CLGN: variants seen among roughly 807,000 people sequenced by gnomAD.
CLGN encodes testis tissue sperm-binding protein Li 79P.
A neutral mutation model predicts 79.1 loss-of-function variants in CLGN; 62 were observed. The observed-to-expected ratio is 0.78, with a 90% CI of 0.64 to 0.97. The LOEUF (loss-of-function observed/expected upper bound fraction) is 0.97, where lower values mean the gene tolerates loss of function less well. Among genes scored for constraint, CLGN ranks in the 50% least tolerant of loss-of-function variants. CLGN has a pLI of 0.00. For synonymous variants in CLGN, 225 were observed against 224.7 expected (o/e 1.00, Z -0.01); for missense variants, 647 against 715.5 (o/e 0.90, Z 1.09).
Position 140,413,088 on chromosome 4 carries a change from CTG to C in CLGN, c.-9-3_-9-2del. The C allele has an allele frequency of 1.2e-6, 2 of 1,603,160 alleles. No homozygotes were observed. The highest frequency in any genetic ancestry group is 1.7e-6 in the Non-Finnish European group (2 of 1,176,298). ...AGGCTTGGAAATGCATATTGATTAT[CTG>C]TGAAATTAAAAGTAATTAGTGAAAA... On this transcript the variant is annotated splice_acceptor_variant and splice_polypyrimidine_tract_variant and intron_variant, in intron 1 of 14. Transcript: ENST00000325617. LOFTEE classifies it low-confidence loss of function (5UTR_SPLICE).
At chr4:140,402,562 C>T (rs115372055) in intron 5 of CLGN, among the ~76,000 whole-genome samples, 40 of 152,196 alleles carry the variant, frequency 2.6e-4, no homozygotes, top group African/African-American at 9.6e-4. Context: ...TAAATAGCTC[C>T]AGCAAAGAGA....
chr4:140,392,524 T>C, intron 12 of CLGN, 62 bp downstream of exon 12: 1 of 1,528,742 alleles, frequency 6.5e-7, no homozygotes, highest in Non-Finnish European at 8.8e-7. Context: ...GCTTAATTTA[T>C]AGAACTCTTA....
intron 1 of CLGN, among the ~76,000 whole-genome samples, chr4:140,413,534 C>T (rs967003922): frequency 1.3e-5 from 2 of 152,214 alleles, no homozygotes; most frequent in Non-Finnish European, 2.9e-5. Context: ...CGAGGCATTG[C>T]CTCACTCGGG....
At chr4:140,394,073 A>G (rs1269536154) in intron 10 of CLGN, 32 bp from the exon 11 acceptor site, 12 of 1,465,930 alleles carry the variant, frequency 8.2e-6, no homozygotes, top group Non-Finnish European at 8.5e-6. Context: ...ACATTTTCAA[A>G]TAAAATAACT....
intron 12 of CLGN, 23 bp from the exon 13 acceptor site, chr4:140,392,401 T>C (rs1384932952): frequency 6.4e-7 from 1 of 1,573,092 alleles, no homozygotes; most frequent in Non-Finnish European, 8.6e-7. Flanking sequence ...ACATAAGTTA[T>C]TTTTACTAAA....
chr4:140,403,162 A>T (rs1490195440), intron 5 of CLGN, among the ~76,000 whole-genome samples: 1 of 152,202 alleles, frequency 6.6e-6, no homozygotes, highest in Non-Finnish European at 1.5e-5. Context: ...AGTGGCCACA[A>T]GCATGTACTT....
chr4:140,425,852 C>A (rs913123904), intron 1 of CLGN, among the ~76,000 whole-genome samples: 10 of 152,008 alleles, frequency 6.6e-5, no homozygotes, highest in Admixed American at 2.0e-4. Context: ...TGGTCTCCAA[C>A]TCCTAACCTC....
At chr4:140,407,625 G>T (rs1394686058) in intron 4 of CLGN, among the ~76,000 whole-genome samples, 3 of 146,066 alleles carry the variant, frequency 2.1e-5, no homozygotes, top group Non-Finnish European at 4.5e-5. Context: ...ATTCTTAACA[G>T]AGGTGAAAGA....
rs193241365 is a variant in CLGN, at chr4:140,426,962, C to T, written c.-10+575G>A. On this transcript the variant is annotated intron_variant, in intron 1 of 14. Transcript: ENST00000325617. The stretch of plus-strand genomic sequence containing the variant: ...AGCGGCCAACAGTCCCTGGCCCCAC[C>T]GCCGTGAAGTGGGGTCCCTTCGCTT... Among the ~76,000 whole-genome samples the T allele has an allele frequency of 3.7e-3, 570 of 152,356 alleles. 3 individuals are homozygous for T. Among genetic ancestry groups the T allele is most frequent in the South Asian group, 0.012 (60 of 4,832 alleles).
intron 1 of CLGN, among the ~76,000 whole-genome samples, chr4:140,416,674 G>A (rs1413626389): frequency 1.3e-5 from 2 of 151,428 alleles, no homozygotes; most frequent in Non-Finnish European, 2.9e-5. Flanking sequence ...TCTGAATAGA[G>A]CAATAACAGG....
chr4:140,417,867 G>A (rs1367458049), intron 1 of CLGN, among the ~76,000 whole-genome samples: 14 of 150,912 alleles, frequency 9.3e-5, no homozygotes, highest in Non-Finnish European at 1.8e-4. Flanking sequence ...AGTTCATATG[G>A]AACCAAAAAA....
intron 1 of CLGN, among the ~76,000 whole-genome samples, chr4:140,421,747 G>T (rs1410802763): frequency 2.0e-5 from 3 of 151,948 alleles, no homozygotes; most frequent in Non-Finnish European, 4.4e-5. Flanking sequence ...CCATTGCATA[G>T]GTTTTTCATT....
In CLGN at chr4:140,410,149, C is replaced by G. The variant is rs567035736; in HGVS notation, c.219-254G>C. Among the ~76,000 whole-genome samples, 8 of 152,100 alleles carry G rather than the reference C, an allele frequency of 5.3e-5. No individual in the cohort carries two copies. The East Asian group carries it at 1.5e-3, about 29-fold the overall frequency. ...GTACAAGAAACCTCGGTTTCTCCAC[C>G]TGTAAAATGGGGATTAAATATGGTA... On this transcript the variant is annotated intron_variant, in intron 3 of 14. Transcript: ENST00000325617.
chr4:140,410,023 T>A (rs1729181544), intron 3 of CLGN, 128 bp from the exon 4 acceptor site: 1 of 575,478 alleles, frequency 1.7e-6, no homozygotes, highest in Non-Finnish European at 3.0e-6. Flanking sequence ...AATAAATTCA[T>A]ACTTAGATGC....
Position 140,390,729 on chromosome 4 carries a change from C to G in CLGN, c.1652-1G>C, listed in dbSNP as rs2126612323. 3.1e-6 allele frequency: 5 copies of G among 1,588,522 alleles called. No homozygotes were observed. Among genetic ancestry groups the G allele is most frequent in the Non-Finnish European group, 4.3e-6 (5 of 1,164,378 alleles). ...TTTTCCTCAGGTTCACTTTCCTCTT[C>G]TAGAATACAGATTTTGTTAAAAGCA... On this transcript the variant is annotated splice_acceptor_variant, in intron 13 of 14. Coordinates refer to ENST00000325617, the MANE Select transcript of CLGN (RefSeq NM_004362.3). LOFTEE classifies it high-confidence loss of function.
intron 8 of CLGN, among the ~76,000 whole-genome samples, chr4:140,397,377 AAG>A (rs1223405800): frequency 6.6e-6 from 1 of 152,064 alleles, no homozygotes; most frequent in African/African-American, 2.4e-5. Flanking sequence ...CCTTTATACT[AAG>A]AAATTAGCTC....
At chr4:140,398,231 T>G (rs904502849) in intron 8 of CLGN, among the ~76,000 whole-genome samples, 2 of 151,760 alleles carry the variant, frequency 1.3e-5, no homozygotes, top group Admixed American at 6.6e-5. Flanking sequence ...AGCAGTTATA[T>G]GTGGTTTCTC....
intron 13 of CLGN, 121 bp downstream of exon 13, chr4:140,392,098 G>A (rs1420300394): frequency 2.6e-6 from 3 of 1,169,910 alleles, no homozygotes; most frequent in African/African-American, 1.5e-5. Flanking sequence ...ACATATTCTT[G>A]GGAGATTCAG....
At chr4:140,412,808 A>C in intron 2 of CLGN, 127 bp downstream of exon 2, 1 of 887,418 alleles carries the variant, frequency 1.1e-6, no homozygotes, top group South Asian at 2.3e-5. Flanking sequence ...ACTTAGAAAA[A>C]AAATCAATGT....
Sources: allele counts gnomAD v4.1 joint callset (sites outside exome capture counted in the v4.1 genomes callset), GRCh38; gene constraint gnomAD v4.1.1; transcripts MANE v1.5; gene names NCBI Gene and HGNC (gene_info 2026-07-23, HGNC 2026-07-21).